DACH1: variants seen among roughly 807,000 people sequenced by gnomAD.
DACH1 encodes the protein dachshund homolog 1.
Under a neutral mutation model 54.2 loss-of-function variants are expected in DACH1, and 12 were observed. The observed-to-expected ratio is 0.22, with a 90% confidence interval of 0.14 to 0.36. DACH1 has a LOEUF of 0.36. Among genes scored for constraint, DACH1 ranks in the 10% least tolerant of loss-of-function variants. The probability of loss-of-function intolerance (pLI) is 1.00; values close to 1 mark genes in which losing one functional copy is unlikely to be tolerated. For synonymous variants in DACH1, 386 were observed against 366.2 expected, an observed-to-expected ratio of 1.05 and a Z score of -0.62; for missense variants, 805 against 929.8, an observed-to-expected ratio of 0.87 and a Z score of 1.75.
chr13:71,655,334 T>C (rs551198481), intron 2 of DACH1, among the ~76,000 whole-genome samples: 4 of 152,054 alleles, frequency 2.6e-5, no homozygotes, highest in African/African-American at 9.6e-5. Flanking sequence ...CATGAAAGCA[T>C]AGCAGGCTGA....
chr13:71,734,924 T>C (rs987908258), intron 1 of DACH1, among the ~76,000 whole-genome samples: 1 of 149,224 alleles, frequency 6.7e-6, no homozygotes, highest in South Asian at 2.1e-4. Flanking sequence ...CATATATGTA[T>C]ATATACATAT....
chr13:71,825,445 A>G (rs9542753), intron 1 of DACH1, among the ~76,000 whole-genome samples: 106,185 of 151,962 alleles, frequency 0.7, 37,459 homozygotes, highest in East Asian at 0.88. Flanking sequence ...GAAACCACAT[A>G]CTTATTAAGT....
At chr13:71,703,527 C>A (rs1326797052) in intron 1 of DACH1, among the ~76,000 whole-genome samples, 1 of 152,144 alleles carries the variant, frequency 6.6e-6, no homozygotes, top group Non-Finnish European at 1.5e-5. Context: ...TTGTTTGTTG[C>A]TGCAGGTAAA....
rs1888851188 is a variant in DACH1 at position 71,837,729 on chromosome 13, T to A, written c.848+28193A>T. 1.4e-5 allele frequency among the ~76,000 whole-genome samples: 2 copies of A among 147,980 alleles called. 1 individual carries two copies. The highest frequency in any genetic ancestry group is 5.0e-5 in the African/African-American group (2 of 40,116). ...GACACACATGCACACGTATGTTTAT[T>A]GCGGCATTATTCACAATAGCAACCC... is the stretch of plus-strand genomic sequence containing the variant. On this transcript the variant is annotated intron_variant, in intron 1 of 10. Coordinates refer to ENST00000613252, the MANE Select transcript of DACH1 (RefSeq NM_080759.6).
chr13:71,545,529 A>G (rs76551489), intron 6 of DACH1, among the ~76,000 whole-genome samples: 1 of 124,714 alleles, frequency 8.0e-6, no homozygotes, highest in South Asian at 5.6e-4. Flanking sequence ...GAAGAAAGGA[A>G]GGAAGAAGGG....
At chr13:71,784,971 C>T (rs943898929) in intron 1 of DACH1, among the ~76,000 whole-genome samples, 8 of 152,052 alleles carry the variant, frequency 5.3e-5, no homozygotes, top group Non-Finnish European at 1.2e-4. Flanking sequence ...GCGATGATCA[C>T]TAGAAAAATT....
At chr13:71,740,974 G>A (rs1022221625) in intron 1 of DACH1, among the ~76,000 whole-genome samples, 5 of 152,074 alleles carry the variant, frequency 3.3e-5, no homozygotes, top group Non-Finnish European at 7.4e-5. Flanking sequence ...TTTTTACTTT[G>A]TATCACTGAA....
intron 5 of DACH1, among the ~76,000 whole-genome samples, chr13:71,559,385 G>A (rs1470483673): frequency 1.3e-5 from 2 of 152,098 alleles, no homozygotes; most frequent in Non-Finnish European, 2.9e-5. Context: ...GAATTTAACT[G>A]ATTTCTCTTT....
chr13:71,697,070 T>C (rs1364049194), intron 1 of DACH1, among the ~76,000 whole-genome samples: 2 of 152,176 alleles, frequency 1.3e-5, no homozygotes, highest in Non-Finnish European at 2.9e-5. Flanking sequence ...CACCTCACTG[T>C]GTTTTTATCT....
chr13:71,588,034 A>T (rs2138451561), intron 3 of DACH1, among the ~76,000 whole-genome samples: 1 of 152,238 alleles, frequency 6.6e-6, no homozygotes, highest in East Asian at 1.9e-4. Context: ...ACCGTAAGTA[A>T]TAACTTTAGC....
At chr13:71,835,030 G>T (rs974135101) in intron 1 of DACH1, among the ~76,000 whole-genome samples, 1 of 151,974 alleles carries the variant, frequency 6.6e-6, no homozygotes, top group Non-Finnish European at 1.5e-5. Flanking sequence ...AGACAGAAAA[G>T]CAAGCTTGCC....
At chr13:71,601,604 T>C (rs992265193) in intron 3 of DACH1, among the ~76,000 whole-genome samples, 2 of 151,992 alleles carry the variant, frequency 1.3e-5, no homozygotes, top group African/African-American at 4.8e-5. Flanking sequence ...TCTGCCCGTC[T>C]TTTTTCTAAA....
At chr13:71,475,062 C>T (rs1799617237) in intron 10 of DACH1, 79 bp downstream of exon 10, 3 of 1,309,384 alleles carry the variant, frequency 2.3e-6, no homozygotes, top group South Asian at 2.4e-5. Context: ...TGGTAGGCTA[C>T]ATGCTTGAAT....
chr13:71,776,190 T>C lies in DACH1; in HGVS notation c.848+89732A>G, dbSNP rs541501864. Among the ~76,000 whole-genome samples the C allele has an allele frequency of 2.0e-5, 3 of 152,256 alleles. No homozygotes were observed. In the East Asian group the frequency reaches 5.8e-4, roughly 29 times the overall value. On this transcript the variant is annotated intron_variant, in intron 1 of 10. Transcript: ENST00000613252. ...TACACTATAAATTTTAGCAGAACCA[T>C]TTTTAATGGGCACAATCTATGAGGG... is the stretch of plus-strand genomic sequence containing the variant.
chr13:71,817,413 G>A (rs990566934), intron 1 of DACH1, among the ~76,000 whole-genome samples: 1 of 152,196 alleles, frequency 6.6e-6, no homozygotes, highest in Admixed American at 6.5e-5. Flanking sequence ...GATCCTGCCA[G>A]TTGATGTATT....
At chr13:71,471,343 G>A (rs1877053707) in intron 10 of DACH1, among the ~76,000 whole-genome samples, 1 of 151,964 alleles carries the variant, frequency 6.6e-6, no homozygotes, top group African/African-American at 2.4e-5. Context: ...ACCGTTTTGT[G>A]CACTGAACTT....
At chr13:71,516,014 T>C (rs1881133062) in intron 6 of DACH1, among the ~76,000 whole-genome samples, 1 of 151,878 alleles carries the variant, frequency 6.6e-6, no homozygotes, top group Admixed American at 6.6e-5. Flanking sequence ...AACTTCACGC[T>C]TATGGAAACA....
At chr13:71,865,271 G>T (rs865802103) in intron 1 of DACH1, among the ~76,000 whole-genome samples, 32 of 152,248 alleles carry the variant, frequency 2.1e-4, no homozygotes, top group Non-Finnish European at 1.3e-4. Flanking sequence ...CAAGTCCCCG[G>T]AGCCCATCCC....
At chr13:71,446,989 G>A (rs1044611212) in intron 10 of DACH1, among the ~76,000 whole-genome samples, 12 of 152,184 alleles carry the variant, frequency 7.9e-5, no homozygotes, top group African/African-American at 2.2e-4. Flanking sequence ...TGGGAGTAGG[G>A]ATTGAGCGAA....
Sources: gnomAD v4.1 joint callset for allele counts (sites outside exome capture counted in the v4.1 genomes callset) on GRCh38, gnomAD v4.1.1 for gene constraint, MANE v1.5 for transcripts, NCBI Gene and HGNC (gene_info 2026-07-23, HGNC 2026-07-21) for gene names.